Variants in ASF1B observed in about 807,000 individuals in gnomAD.
ASF1B encodes anti-silencing function 1B histone chaperone.
Under a neutral mutation model 16.6 loss-of-function variants are expected in ASF1B, and 10 were observed. The ratio of observed to expected loss-of-function variants is 0.60; its 90% CI spans 0.37 to 1.02. The LOEUF (loss-of-function observed/expected upper bound fraction) is 1.02. ASF1B is among the 50% of genes least tolerant of loss of function. The probability of loss-of-function intolerance (pLI) is 0.01; values close to 1 mark genes in which losing one functional copy is unlikely to be tolerated. For synonymous variants in ASF1B, 101 were observed against 106.2 expected, an observed-to-expected ratio of 0.95 and a Z score of 0.30; for missense variants, 240 against 266.0, an observed-to-expected ratio of 0.90 and a Z score of 0.68.
At chr19:14,133,313 G>A (rs942417050) in intron 1 of ASF1B, among the ~76,000 whole-genome samples, 4 of 152,196 alleles carry the variant, frequency 2.6e-5, no homozygotes, top group East Asian at 3.9e-4. Context: ...AAACTTCAGT[G>A]CCAATACTTC....
intron 1 of ASF1B, among the ~76,000 whole-genome samples, chr19:14,133,352 G>A (rs1967435174): frequency 6.6e-6 from 1 of 152,014 alleles, no homozygotes; most frequent in Admixed American, 6.6e-5. Context: ...CTCTGGTGAA[G>A]TCACTCCATT....
chr19:14,129,543 T>C (rs1223109026), intron 1 of ASF1B, among the ~76,000 whole-genome samples: 2 of 151,462 alleles, frequency 1.3e-5, no homozygotes, highest in Non-Finnish European at 2.9e-5. Context: ...CTGGGCATGA[T>C]GGTGTGCACC....
intron 1 of ASF1B, 134 bp downstream of exon 1, chr19:14,136,214 T>G (rs1599361918): frequency 2.0e-6 from 1 of 499,154 alleles, no homozygotes; most frequent in Non-Finnish European, 3.2e-6. Flanking sequence ...ACTGGCGGGC[T>G]GGGGGAGATC....
intron 2 of ASF1B, among the ~76,000 whole-genome samples, chr19:14,123,840 G>A (rs890790565): frequency 2.0e-5 from 3 of 148,258 alleles, no homozygotes; most frequent in Admixed American, 6.8e-5. Flanking sequence ...GCCCAGGCTC[G>A]AGTGCAGTGG....
At chr19:14,132,106 C>T (rs1052814469) in intron 1 of ASF1B, among the ~76,000 whole-genome samples, 5 of 149,786 alleles carry the variant, frequency 3.3e-5, no homozygotes, top group African/African-American at 1.2e-4. Context: ...TGGCTCACTG[C>T]AGCCCTGACC....
rs1329858336 is a variant in ASF1B at position 14,120,493 on chromosome 19, C to G, written c.575G>C (p.Gly192Ala). The G allele has an allele frequency of 1.2e-6, 2 of 1,612,778 alleles. No individual in the cohort carries two copies. Among genetic ancestry groups the G allele is most frequent in the African/African-American group, 1.3e-5 (1 of 74,848 alleles). ...KGLGLPGCIP[G>A]LLPENSMDCI ...GTCCATGGAGTTCTCAGGGAGGAGG[C>G]CAGGGATGCAGCCAGGGAGCCCCAA... is the stretch of plus-strand genomic sequence containing the variant. Residue 192 changes from glycine (G) to alanine (A), a missense_variant, in exon 4 of 4, where the codon GGC (glycine) becomes GCC (alanine). By Grantham distance (60) the Gly-to-Ala change is moderately conservative (BLOSUM62 0). Transcript: ENST00000263382.
At chr19:14,121,491 G>C in intron 3 of ASF1B, 41 bp downstream of exon 3, 1 of 1,594,114 alleles carries the variant, frequency 6.3e-7, no homozygotes, top group Non-Finnish European at 8.6e-7. Flanking sequence ...CAAGTATAAA[G>C]AACGGCCTTG....
intron 1 of ASF1B, among the ~76,000 whole-genome samples, chr19:14,130,093 C>G (rs1332334797): frequency 2.0e-5 from 3 of 151,700 alleles, no homozygotes; most frequent in African/African-American, 4.8e-5. Flanking sequence ...GAGTCTCACT[C>G]TGTTGCCCAG....
intron 1 of ASF1B, among the ~76,000 whole-genome samples, chr19:14,134,185 A>G (rs1317009736): frequency 4.6e-5 from 7 of 151,968 alleles, no homozygotes; most frequent in African/African-American, 1.7e-4. Context: ...GAATCCCTCA[A>G]CCTATTACTT....
At position 14,133,504 on chromosome 19, in the gene ASF1B, C is replaced by T. The variant is rs199635280; in HGVS notation, c.109+2844G>A. ...CCAAGATGGTGAAACCCCGTCTCTACTAAAAATACAAAAATTAGCCAGGCG... is the reference window on the plus strand; with the variant it reads ...CCAAGATGGTGAAACCCCGTCTCTATTAAAAATACAAAAATTAGCCAGGCG... On this transcript the variant is annotated intron_variant, in intron 1 of 3. Transcript: ENST00000263382. 1.5e-4 allele frequency among the ~76,000 whole-genome samples: 23 copies of T among 152,082 alleles called. No homozygotes were observed. In the East Asian group the frequency reaches 3.9e-3, roughly 26 times the overall value.
chr19:14,135,944 T>A lies in ASF1B; in HGVS notation c.109+404A>T, dbSNP rs539945464. 3.6e-4 allele frequency among the ~76,000 whole-genome samples: 54 copies of A among 150,344 alleles called. No individual in the cohort carries two copies. In the South Asian group the frequency reaches 3.8e-3, roughly 11 times the overall value. The stretch of plus-strand genomic sequence containing the variant: ...GGTTAAGAAATGGAGGCCGAGAAGG[T>A]CTCCCCATGAAAACGGGTACCTAGG... On this transcript the variant is annotated intron_variant, in intron 1 of 3. Transcript: ENST00000263382.
chr19:14,123,566 G>C (rs1006432655), intron 2 of ASF1B, among the ~76,000 whole-genome samples: 1 of 151,658 alleles, frequency 6.6e-6, no homozygotes, highest in African/African-American at 2.4e-5. Flanking sequence ...TTTTTTAGTA[G>C]AGATGGGGCT....
intron 1 of ASF1B, among the ~76,000 whole-genome samples, chr19:14,126,928 T>C (rs563801260): frequency 6.6e-6 from 1 of 152,244 alleles, no homozygotes; most frequent in East Asian, 1.9e-4. Context: ...TTTATTTTTA[T>C]TTACTTATTT....
intron 1 of ASF1B, among the ~76,000 whole-genome samples, chr19:14,127,001 A>T (rs1411797039): frequency 6.6e-6 from 1 of 152,140 alleles, no homozygotes. Context: ...GGCTCACTGT[A>T]GCCTCAACCT....
intron 1 of ASF1B, among the ~76,000 whole-genome samples, chr19:14,133,577 A>C (rs1322994448): frequency 6.6e-6 from 1 of 151,712 alleles, no homozygotes; most frequent in Non-Finnish European, 1.5e-5. Context: ...CTGAGGCAGG[A>C]GAATCGCTTG....
chr19:14,131,646 C>T (rs991804459), intron 1 of ASF1B, among the ~76,000 whole-genome samples: 3 of 151,556 alleles, frequency 2.0e-5, no homozygotes, highest in African/African-American at 7.3e-5. Context: ...CCACACCCGG[C>T]TAATTTTTTG....
At chr19:14,124,322 T>G (rs62122130) in intron 2 of ASF1B, among the ~76,000 whole-genome samples, 1,782 of 151,532 alleles carry the variant, frequency 0.012, 12 homozygotes, top group Non-Finnish European at 0.018. Flanking sequence ...CCCGGCTAAT[T>G]TTTCTATTTT....
intron 2 of ASF1B, among the ~76,000 whole-genome samples, chr19:14,123,910 C>T (rs143380073): frequency 3.6e-4 from 54 of 152,048 alleles, no homozygotes; most frequent in African/African-American, 1.3e-3. Context: ...CGTGCCTCAG[C>T]CTCCCGAGTA....
rs992378973 is a variant in ASF1B at position 14,119,794 on chromosome 19, T to TTCCA, written c.*661_*664dup. On this transcript the variant is annotated 3_prime_UTR_variant, in exon 4 of 4. Transcript: ENST00000263382. ...CCCAGGCAGGCCCTCTGATACCATC[T>TTCCA]TCCAACCATGGCAGCCTCCAGGAAA... 4.6e-5 allele frequency: 7 copies of TTCCA among 152,604 alleles called. No individual in the cohort carries two copies. Among genetic ancestry groups the TTCCA allele is most frequent in the African/African-American group, 1.7e-4 (7 of 41,430 alleles). 9.5% of individuals were successfully genotyped at this position (152,604 alleles called of 1,614,324 possible). A position where few individuals can be genotyped will look rare whatever the true frequency, so the allele number is the denominator to read the frequency against.
Sources: allele counts gnomAD v4.1 joint callset (sites outside exome capture counted in the v4.1 genomes callset), GRCh38; gene constraint gnomAD v4.1.1; transcripts MANE v1.5; gene names NCBI Gene and HGNC (gene_info 2026-07-23, HGNC 2026-07-21).